PCDH15: variants seen among roughly 807,000 people sequenced by gnomAD.
The protein encoded by PCDH15 is protocadherin-15.
Under a neutral mutation model 178.5 loss-of-function variants are expected in PCDH15, and 129 were observed. The ratio of observed to expected loss-of-function variants is 0.72; its 90% CI spans 0.63 to 0.84. The LOEUF (loss-of-function observed/expected upper bound fraction) is 0.84, where lower values mean the gene tolerates loss of function less well. Ranked by LOEUF, PCDH15 falls within the 40% of genes least tolerant of loss-of-function variation. PCDH15 has a pLI of 0.00. For missense variants in PCDH15, 2,230 were observed against 2,099.9 expected, an observed-to-expected ratio of 1.06 and a Z score of -1.21; for synonymous variants, 800 against 732.0, an observed-to-expected ratio of 1.09 and a Z score of -1.50.
chr10:54,182,497 G>GAT (rs200153524), intron 13 of PCDH15, among the ~76,000 whole-genome samples: 1 of 133,778 alleles, frequency 7.5e-6, no homozygotes, highest in African/African-American at 3.1e-5. Context: ...GAGGAAAAGA[G>GAT]AGAAAAAAAG....
At chr10:55,446,109 T>C (rs1839309910) in intron 2 of PCDH15, among the ~76,000 whole-genome samples, 1 of 152,080 alleles carries the variant, frequency 6.6e-6, no homozygotes, top group Non-Finnish European at 1.5e-5. Context: ...AGTTTCTAAA[T>C]AACTTTTTCA....
chr10:54,156,567 T>C (rs2045173812), intron 13 of PCDH15, among the ~76,000 whole-genome samples: 1 of 152,204 alleles, frequency 6.6e-6, no homozygotes, highest in African/African-American at 2.4e-5. Context: ...CACTGGGTCC[T>C]CCCACAACAC....
chr10:55,090,469 G>C (rs185185654), intron 2 of PCDH15, among the ~76,000 whole-genome samples: 1 of 151,976 alleles, frequency 6.6e-6, no homozygotes. Context: ...AGCTAAATCT[G>C]TATTTAACAG....
At position 53,892,479 on chromosome 10, in the gene PCDH15, G is replaced by T. The variant is rs561526164; in HGVS notation, c.3501+10764C>A. On this transcript the variant is annotated intron_variant, in intron 26 of 37. Transcript: ENST00000644397. ...GGCATAAATTGTTTGCTAGGAGAATGATATTTTTTGGTGTCCCTTCTACAA... is the reference window on the plus strand; with the variant it reads ...GGCATAAATTGTTTGCTAGGAGAATTATATTTTTTGGTGTCCCTTCTACAA... 8.0e-4 allele frequency among the ~76,000 whole-genome samples: 122 copies of T among 152,214 alleles called. 1 individual carries two copies. Among genetic ancestry groups the T allele is most frequent in the African/African-American group, 2.6e-3 (108 of 41,544 alleles).
intron 2 of PCDH15, among the ~76,000 whole-genome samples, chr10:54,954,735 G>A (rs1838437821): frequency 6.6e-6 from 1 of 151,142 alleles, no homozygotes; most frequent in Non-Finnish European, 1.5e-5. Flanking sequence ...ATAATTTGCT[G>A]AAGAATATTG....
chr10:55,117,981 C>T (rs893234885), intron 2 of PCDH15, among the ~76,000 whole-genome samples: 1 of 152,056 alleles, frequency 6.6e-6, no homozygotes, highest in Non-Finnish European at 1.5e-5. Context: ...AAACGGAGGC[C>T]TTGTGGAGTC....
intron 1 of PCDH15, among the ~76,000 whole-genome samples, chr10:55,188,401 TCA>T (rs1190676514): frequency 3.3e-5 from 5 of 151,942 alleles, no homozygotes; most frequent in Non-Finnish European, 7.4e-5. Context: ...ATTTTGATCA[TCA>T]GTTACTTTTT....
chr10:54,672,477 T>C (rs12774688), intron 1 of PCDH15, among the ~76,000 whole-genome samples: 44 of 152,246 alleles, frequency 2.9e-4, no homozygotes, highest in Non-Finnish European at 4.6e-4. Flanking sequence ...TCTTAGCACA[T>C]TGGAGAAAGA....
At chr10:55,240,799 A>C (rs1841520906) in intron 1 of PCDH15, among the ~76,000 whole-genome samples, 1 of 152,312 alleles carries the variant, frequency 6.6e-6, no homozygotes, top group African/African-American at 2.4e-5. Context: ...TGACAAAAAT[A>C]ATCTAGTGTT....
chr10:54,481,794 T>C (rs1260357734), intron 3 of PCDH15, among the ~76,000 whole-genome samples: 1 of 151,850 alleles, frequency 6.6e-6, no homozygotes, highest in Non-Finnish European at 1.5e-5. Flanking sequence ...CCTATTTCTC[T>C]TTTATTTTTA....
intron 2 of PCDH15, among the ~76,000 whole-genome samples, chr10:54,963,858 C>T (rs1306233099): frequency 3.3e-5 from 5 of 152,276 alleles, no homozygotes; most frequent in African/African-American, 1.2e-4. Context: ...AACAGAAAGG[C>T]AATCACTGTG....
rs192120398 is a variant in PCDH15, at chr10:55,444,969, C to A, written c.-156+182656G>T. On this transcript the variant is annotated intron_variant, in intron 2 of 5. Transcript: ENST00000613346. ...AAGATGATGAATATATTTAATATTT[C>A]ATACTGATTCTATAGATTCAAATGC... is the stretch of plus-strand genomic sequence containing the variant. Among the ~76,000 whole-genome samples the A allele has an allele frequency of 9.7e-4, 147 of 152,074 alleles. 1 individual carries two copies. The highest frequency in any genetic ancestry group is 1.6e-3 in the Non-Finnish European group (110 of 68,000).
intron 3 of PCDH15, among the ~76,000 whole-genome samples, chr10:54,380,686 G>C (rs1369655946): frequency 1.7e-5 from 1 of 59,488 alleles, no homozygotes; most frequent in African/African-American, 7.6e-5. Context: ...ATATATATAT[G>C]CTCCATATAT....
intron 2 of PCDH15, among the ~76,000 whole-genome samples, chr10:54,921,390 A>G (rs1254152014): frequency 6.6e-6 from 1 of 152,030 alleles, no homozygotes; most frequent in Non-Finnish European, 1.5e-5. Context: ...AGATAAACTC[A>G]TGTCCCAAGG....
Position 54,230,907 on chromosome 10 carries a change from C to A in PCDH15, c.985+5916G>T, listed in dbSNP as rs553710131. Among the ~76,000 whole-genome samples the A allele has an allele frequency of 6.0e-4, 92 of 152,208 alleles. 1 individual carries two copies. Among genetic ancestry groups the A allele is most frequent in the African/African-American group, 2.2e-3 (91 of 41,512 alleles). ...TACTTAATACTACAAGCTACTGTTA[C>A]AAGCTAAAGTCAGCAGACTTTCTTA... On this transcript the variant is annotated intron_variant, in intron 9 of 37. Transcript: ENST00000644397.
chr10:55,064,398 T>A (rs1200897107), intron 2 of PCDH15, among the ~76,000 whole-genome samples: 1 of 152,134 alleles, frequency 6.6e-6, no homozygotes, highest in Non-Finnish European at 1.5e-5. Flanking sequence ...TCAGCCATGG[T>A]AGTGACAATG....
chr10:55,123,830 G>A (rs924365390), intron 2 of PCDH15, among the ~76,000 whole-genome samples: 5 of 152,202 alleles, frequency 3.3e-5, no homozygotes, highest in Non-Finnish European at 5.9e-5. Context: ...TTTCATCCAC[G>A]ATATTATTTA....
At chr10:54,089,528 A>G (rs1432121076) in intron 16 of PCDH15, among the ~76,000 whole-genome samples, 2 of 152,174 alleles carry the variant, frequency 1.3e-5, no homozygotes, top group Admixed American at 1.3e-4. Context: ...CTAGACCTCA[A>G]AGAAGTTTGG....
intron 1 of PCDH15, among the ~76,000 whole-genome samples, chr10:54,746,695 T>C (rs1945508910): frequency 6.6e-6 from 1 of 152,198 alleles, no homozygotes; most frequent in Non-Finnish European, 1.5e-5. Context: ...TATATATATT[T>C]TTATCCTTCT....
Sources: gnomAD v4.1 joint callset for allele counts (sites outside exome capture counted in the v4.1 genomes callset) on GRCh38, gnomAD v4.1.1 for gene constraint, MANE v1.5 for transcripts, NCBI Gene and HGNC (gene_info 2026-07-23, HGNC 2026-07-21) for gene names.